STAT3: variants seen among roughly 807,000 people sequenced by gnomAD.
The protein encoded by STAT3 is DNA-binding protein APRF.
STAT3 carries 7 observed loss-of-function variants against 114.3 expected under a neutral mutation model. That is an observed-to-expected ratio of 0.06 (90% CI 0.03 to 0.11). STAT3 has a LOEUF of 0.11. STAT3 is among the 10% of genes least tolerant of loss of function. STAT3 has a pLI of 1.00. For missense variants in STAT3, 364 were observed against 960.9 expected, an observed-to-expected ratio of 0.38 and a Z score of 8.21; for synonymous variants, 331 against 354.5, an observed-to-expected ratio of 0.93 and a Z score of 0.74.
chr17:42,337,876 C>A lies in STAT3; in HGVS notation c.551-19G>T, dbSNP rs777044879. On this transcript the variant is annotated intron_variant, in intron 6 of 23. Transcript: ENST00000264657. This position sits in a 1 kb window ranked among gnomAD's most constrained non-coding sequence, Gnocchi z 4.0. ...TGCATGTCTGCGAAGGAAGAAAAAA[C>A]TCCTTGACCTGAGGGAATACTCCTT... 6.3e-7 allele frequency: 1 copy of A among 1,578,678 alleles called. No homozygotes were observed. Among genetic ancestry groups the A allele is most frequent in the East Asian group, 2.3e-5 (1 of 44,440 alleles).
Position 42,342,719 on chromosome 17 carries a change from C to T in STAT3, c.372+2840G>A, listed in dbSNP as rs573534590. Among the ~76,000 whole-genome samples, 6 of 152,172 alleles carry T rather than the reference C, an allele frequency of 3.9e-5. No homozygotes were observed. The South Asian group carries it at 8.3e-4, about 21-fold the overall frequency. ...TTACTTAAGGTTACAGAGCAAGTGGCAGGGCTGCGGGTTCAAACCGAAGCA... is the reference window on the plus strand; with the variant it reads ...TTACTTAAGGTTACAGAGCAAGTGGTAGGGCTGCGGGTTCAAACCGAAGCA... On this transcript the variant is annotated intron_variant, in intron 4 of 23. Transcript: ENST00000264657.
At position 42,337,977 on chromosome 17, in the gene STAT3, T is replaced by C; in HGVS notation, c.551-120A>G. On this transcript the variant is annotated intron_variant, in intron 6 of 23. Transcript: ENST00000264657. This position sits in a 1 kb window ranked among gnomAD's most constrained non-coding sequence, Gnocchi z 4.0. ...AATACTCCTGGACCTGAGGGAATAC[T>C]CCTGGACCTGAGGGAATACTCCTTG... 1.3e-5 allele frequency: 6 copies of C among 469,436 alleles called. No homozygotes were observed. Among genetic ancestry groups the C allele is most frequent in the Non-Finnish European group, 2.2e-5 (6 of 271,150 alleles). The allele number at this position is 469,436 out of a possible 1,614,324, so 29.1% of individuals were successfully genotyped here.
chr17:42,346,480 CAAATGAG>C, intron 3 of STAT3, 82 bp downstream of exon 3: 3 of 1,581,936 alleles, frequency 1.9e-6, no homozygotes, highest in Non-Finnish European at 1.7e-6. Flanking sequence ...GTTACTTAGC[CAAATGAG>C]AAAAGAGATG....
chr17:42,335,568 C>A (rs1250336952), intron 8 of STAT3, among the ~76,000 whole-genome samples: 1 of 152,138 alleles, frequency 6.6e-6, no homozygotes, highest in Admixed American at 6.6e-5. Flanking sequence ...TGATAACATG[C>A]ACAAGGAATA....
At chr17:42,342,050 C>T (rs924559278) in intron 4 of STAT3, among the ~76,000 whole-genome samples, 1 of 152,084 alleles carries the variant, frequency 6.6e-6, no homozygotes, top group Admixed American at 6.6e-5. Flanking sequence ...GGATAAAATA[C>T]AAAGGTTTTC....
chr17:42,350,834 CT>C (rs1237317535), intron 1 of STAT3, among the ~76,000 whole-genome samples: 5 of 152,132 alleles, frequency 3.3e-5, no homozygotes, highest in Admixed American at 1.3e-4. Context: ...GGTAGCCATA[CT>C]TAAAAAGTTA....
intron 1 of STAT3, among the ~76,000 whole-genome samples, chr17:42,365,077 T>C (rs1275115119): frequency 6.6e-6 from 1 of 152,202 alleles, no homozygotes; most frequent in Non-Finnish European, 1.5e-5. Context: ...TCTCTCATTA[T>C]GCCCCACTCT....
chr17:42,348,564 TCAC>T (rs2082799870), intron 1 of STAT3, 25 bp from the exon 2 acceptor site: 1 of 1,611,494 alleles, frequency 6.2e-7, no homozygotes, highest in Non-Finnish European at 8.5e-7. Flanking sequence ...GTGCATATGT[TCAC>T]CACAAGTCCC....
intron 1 of STAT3, among the ~76,000 whole-genome samples, chr17:42,364,484 A>G (rs1362605024): frequency 6.6e-6 from 1 of 152,222 alleles, no homozygotes; most frequent in Non-Finnish European, 1.5e-5. Flanking sequence ...AAGCTCAAAT[A>G]AAAGAATCAC....
intron 3 of STAT3, 108 bp from the exon 4 acceptor site, chr17:42,345,765 T>A: frequency 8.9e-7 from 1 of 1,123,376 alleles, no homozygotes; most frequent in Non-Finnish European, 1.3e-6. Flanking sequence ...GCATTTATTC[T>A]AGGAAACAAC....
At chr17:42,331,397 T>C in intron 11 of STAT3, 75 bp downstream of exon 11, 1 of 1,339,782 alleles carries the variant, frequency 7.5e-7, no homozygotes, top group Non-Finnish European at 1.1e-6. Context: ...GAGTCTCTAG[T>C]TCAAATGATG....
chr17:42,360,626 A>G (rs2083465203), intron 1 of STAT3, among the ~76,000 whole-genome samples: 1 of 151,972 alleles, frequency 6.6e-6, no homozygotes, highest in African/African-American at 2.4e-5. Flanking sequence ...CCTAGGCAAC[A>G]AGAGCAAAAC....
intron 1 of STAT3, among the ~76,000 whole-genome samples, chr17:42,372,851 AAAT>A (rs1187320448): frequency 1.3e-5 from 2 of 150,760 alleles, no homozygotes; most frequent in African/African-American, 4.8e-5. Context: ...TACCTCTAAA[AAAT>A]AATAATAATA....
Position 42,324,987 on chromosome 17 carries a change from G to A in STAT3, c.1440C>T (p.Tyr480=). ...MPNAWASILW[Y]NMLTNNPKNV... ...CCTTGGGATTGTTGGTCAGCATGTT[G>A]TACCACAGGATGGACGCCCAGGCAT... The change falls in exon 16 of 24, where the codon TAC becomes TAT. Residue 480 remains tyrosine (Y), a synonymous_variant. Coordinates refer to ENST00000264657, the MANE Select transcript of STAT3 (RefSeq NM_139276.3). This position sits in a 1 kb window ranked among gnomAD's most constrained non-coding sequence, Gnocchi z 4.5. 1 of 1,614,176 alleles carries A rather than the reference G, an allele frequency of 6.2e-7. No individual in the cohort carries two copies. The highest frequency in any genetic ancestry group is 1.3e-5 in the African/African-American group (1 of 75,050).
chr17:42,333,603 C>A lies in STAT3; in HGVS notation c.1049+70G>T. ...ACCTGGAAAGAATGACCCTGGCCAC[C>A]AACTCTACCCTCACCCTAACAGTGT... On this transcript the variant is annotated intron_variant, in intron 10 of 23. Coordinates refer to ENST00000264657, the MANE Select transcript of STAT3 (RefSeq NM_139276.3). The surrounding 1 kb of genome is among the most constrained non-coding windows in gnomAD (Gnocchi z 5.2). 1 of 1,569,452 alleles carries A rather than the reference C, an allele frequency of 6.4e-7. No individual in the cohort carries two copies. The highest frequency in any genetic ancestry group is 8.8e-7 in the Non-Finnish European group (1 of 1,142,046).
At chr17:42,353,579 A>G (rs996975539) in intron 1 of STAT3, among the ~76,000 whole-genome samples, 1 of 152,180 alleles carries the variant, frequency 6.6e-6, no homozygotes. Context: ...TTTTAAAAAC[A>G]GACTTTATTT....
At chr17:42,368,732 CT>C (rs763404467) in intron 1 of STAT3, among the ~76,000 whole-genome samples, 639 of 136,574 alleles carry the variant, frequency 4.7e-3, no homozygotes, top group Admixed American at 4.8e-3. Flanking sequence ...TGCAACCAGC[CT>C]TTTTTTTTTT....
At chr17:42,382,466 TC>T (rs1246312165) in intron 1 of STAT3, among the ~76,000 whole-genome samples, 3 of 152,146 alleles carry the variant, frequency 2.0e-5, no homozygotes, top group African/African-American at 7.2e-5. Context: ...CTTGAACCAC[TC>T]ACTGCCCTGT....
At chr17:42,377,010 G>T (rs141765952) in intron 1 of STAT3, among the ~76,000 whole-genome samples, 1 of 152,056 alleles carries the variant, frequency 6.6e-6, no homozygotes, top group Admixed American at 6.6e-5. Context: ...TACATATTAC[G>T]ATTAAAACAT....
Sources: allele counts gnomAD v4.1 joint callset (sites outside exome capture counted in the v4.1 genomes callset), GRCh38; gene constraint gnomAD v4.1.1; non-coding constraint Gnocchi (gnomAD v3.1); transcripts MANE v1.5; gene names NCBI Gene and HGNC (gene_info 2026-07-23, HGNC 2026-07-21).